The following SLC6A8 variants were observed in gnomAD, a reference collection of about 807,000 sequenced individuals.
The protein encoded by SLC6A8 is solute carrier family 6 member 8.
A neutral mutation model predicts 48.3 loss-of-function variants in SLC6A8; 6 were observed. That is an observed-to-expected ratio of 0.12 (90% CI 0.07 to 0.25). The LOEUF is 0.25. SLC6A8 is among the 10% of genes least tolerant of loss of function. The probability of loss-of-function intolerance (pLI) is 1.00; values close to 1 mark genes in which losing one functional copy is unlikely to be tolerated. For missense variants in SLC6A8, 260 were observed against 551.5 expected (o/e 0.47, Z 5.29); for synonymous variants, 245 against 244.0 (o/e 1.00, Z -0.04).
In SLC6A8 at chrX:153,690,629, G is replaced by C. The variant is rs1254310432; in HGVS notation, c.394+123G>C. 27 of 809,415 alleles carry C rather than the reference G, an allele frequency of 3.3e-5. 1 individual carries two copies. The Admixed American group carries it at 5.1e-4, about 15-fold the overall frequency. The allele number at this position is 809,415 out of a possible 1,213,427, so 66.7% of individuals were successfully genotyped here. On this transcript the variant is annotated intron_variant, in intron 2 of 12. Coordinates refer to ENST00000253122, the MANE Select transcript of SLC6A8 (RefSeq NM_005629.4). ...ACGTGATGGCGTCCCAGTCTCGAGG[G>C]GGGAGCCTGGAGGAGATGTTCAGGC... is the stretch of plus-strand genomic sequence containing the variant.
chrX:153,695,289 G>A lies in SLC6A8; in HGVS notation c.*75G>A. ...GCTTCAGCCCCACCGCACCCCTCCA[G>A]GGGGCCTGCCTTTCCCTGACACTTT... On this transcript the variant is annotated 3_prime_UTR_variant, in exon 13 of 13. Transcript: ENST00000253122. The A allele has an allele frequency of 9.4e-7, 1 of 1,062,386 alleles. No homozygotes were observed. 87.6% of individuals were successfully genotyped at this position (1,062,386 alleles called of 1,213,427 possible). A position where few individuals can be genotyped will look rare whatever the true frequency, so the allele number is the denominator to read the frequency against.
Position 153,691,077 on chromosome X carries a change from G to A in SLC6A8, c.395-227G>A, listed in dbSNP as rs782425748. On this transcript the variant is annotated intron_variant, in intron 2 of 12. Transcript: ENST00000253122. ...GATGGGGACAGGAGGAGAGGGGCTC[G>A]CTCTGCCTTGGGTCTAGGGGGCGGC... 1.1e-4 allele frequency: 44 copies of A among 415,075 alleles called. No individual in the cohort carries two copies. In the South Asian group the frequency reaches 1.3e-3, roughly 13 times the overall value. 34.2% of individuals were successfully genotyped at this position (415,075 alleles called of 1,213,427 possible). A position where few individuals can be genotyped will look rare whatever the true frequency, so the allele number is the denominator to read the frequency against.
chrX:153,695,284 C>G lies in SLC6A8; in HGVS notation c.*70C>G. 9.3e-7 allele frequency: 1 copy of G among 1,074,281 alleles called. No homozygotes were observed. The allele number at this position is 1,074,281 out of a possible 1,213,427, so 88.5% of individuals were successfully genotyped here. ...CCCCTGCTTCAGCCCCACCGCACCC[C>G]TCCAGGGGGCCTGCCTTTCCCTGAC... On this transcript the variant is annotated 3_prime_UTR_variant, in exon 13 of 13. Coordinates refer to ENST00000253122, the MANE Select transcript of SLC6A8 (RefSeq NM_005629.4).
At chrX:153,689,511 G>A (rs782557349) in intron 1 of SLC6A8, 16 of 743,534 alleles carry the variant, frequency 2.2e-5, no homozygotes, top group Admixed American at 9.2e-5. Context: ...GCTGGAAGCC[G>A]AAGTGACCCG....
chrX:153,689,206 T>G (rs1357594500), intron 1 of SLC6A8, among the ~76,000 whole-genome samples: 1 of 110,411 alleles, frequency 9.1e-6, no homozygotes, highest in Non-Finnish European at 1.9e-5. Context: ...GCACATTGTG[T>G]GGGCCCCCCA....
intron 1 of SLC6A8, among the ~76,000 whole-genome samples, chrX:153,690,063 G>A (rs1360993862): frequency 1.8e-5 from 2 of 113,129 alleles, no homozygotes; most frequent in Non-Finnish European, 3.8e-5. Flanking sequence ...GGGACAGCCC[G>A]CGTGTCTGAG....
chrX:153,690,255 C>T, intron 1 of SLC6A8, 120 bp from the exon 2 acceptor site: 1 of 780,865 alleles, frequency 1.3e-6, no homozygotes, highest in Non-Finnish European at 1.9e-6. Context: ...AGTGGCCACC[C>T]CTACACTGAC....
At chrX:153,688,865 TCCCCC>T in intron 1 of SLC6A8, 29 bp downstream of exon 1, 1 of 985,836 alleles carries the variant, frequency 1.0e-6, no homozygotes, top group Non-Finnish European at 1.3e-6. Flanking sequence ...CGCGGCCTCC[TCCCCC>T]AGCAGGCCGC....
At chrX:153,692,466 T>A (rs1557044691) in intron 4 of SLC6A8, 1 of 349,614 alleles carries the variant, frequency 2.9e-6, no homozygotes, top group South Asian at 2.6e-5. Flanking sequence ...GGGCTCCTGG[T>A]CAGGCTGGGG....
chrX:153,693,034 C>T lies in SLC6A8; in HGVS notation c.778-7C>T, dbSNP rs782613166. ...CACAGCCTCCGCTGAGCAGCCTGGC[C>T]CCCCAGATCGTGTACTTCACTGCTA... is the stretch of plus-strand genomic sequence containing the variant. On this transcript the variant is annotated splice_region_variant and splice_polypyrimidine_tract_variant and intron_variant, in intron 4 of 12. Transcript: ENST00000253122. 4 of 1,209,460 alleles carry T rather than the reference C, an allele frequency of 3.3e-6. No individual in the cohort carries two copies. The highest frequency in any genetic ancestry group is 5.9e-5 in the East Asian group (2 of 33,770).
At position 153,694,791 on chromosome X, in the gene SLC6A8, G is replaced by A. The variant is rs1557045705; in HGVS notation, c.1669G>A (p.Gly557Ser). Residue 557 changes from glycine to serine, a missense_variant, in exon 12 of 13, where the codon GGT becomes AGT. Physicochemically the swap from Gly to Ser is moderately conservative, Grantham distance 56. This residue lies in a region of SLC6A8 where 87 missense variants were observed against 120.9 expected (regional missense o/e 0.72). Transcript: ENST00000253122. ...CAACACCTACGTGTACCCGTGGTGG[G>A]GTGAGGCCATGGGCTGGGCCTTCGC... Reference protein sequence around the residue: ...YNNTYVYPWWGEAMGWAFALS... With the variant: ...YNNTYVYPWWSEAMGWAFALS... 1 of 1,209,943 alleles carries A rather than the reference G, an allele frequency of 8.3e-7. No homozygotes were observed. Among genetic ancestry groups the A allele is most frequent in the Admixed American group, 2.2e-5 (1 of 46,141 alleles).
Position 153,694,330 on chromosome X carries a change from G to A in SLC6A8, c.1393-14G>A. The A allele has an allele frequency of 8.3e-7, 1 of 1,209,570 alleles. No homozygotes were observed. The highest frequency in any genetic ancestry group is 1.1e-6 in the Non-Finnish European group (1 of 893,474). On this transcript the variant is annotated splice_polypyrimidine_tract_variant and intron_variant, in intron 9 of 12. Transcript: ENST00000253122. ...GCCGTCTGCCATCCTCCCTGACTGGGCTCTGTCCCCCAGGGCGGGATGTAC... is the reference window on the plus strand; with the variant it reads ...GCCGTCTGCCATCCTCCCTGACTGGACTCTGTCCCCCAGGGCGGGATGTAC...
At chrX:153,691,244 G>T in intron 2 of SLC6A8, 60 bp from the exon 3 acceptor site, 1 of 1,146,876 alleles carries the variant, frequency 8.7e-7, no homozygotes, top group Non-Finnish European at 1.2e-6. Flanking sequence ...GGGACATAAA[G>T]GGGTGGCAGG....
Position 153,692,964 on chromosome X carries a change from G to A in SLC6A8, c.778-77G>A, listed in dbSNP as rs781938768. On this transcript the variant is annotated intron_variant, in intron 4 of 12. Transcript: ENST00000253122. ...GACCTCTGAACATACCTGCCCGCAAGGGGGACCGGAGGCGCTGGGAGTGGG... is the reference window on the plus strand; with the variant it reads ...GACCTCTGAACATACCTGCCCGCAAAGGGGACCGGAGGCGCTGGGAGTGGG... 6 of 1,151,645 alleles carry A rather than the reference G, an allele frequency of 5.2e-6. No individual in the cohort carries two copies. The East Asian group carries it at 1.5e-4, about 29-fold the overall frequency. The allele number at this position is 1,151,645 out of a possible 1,213,427, so 94.9% of individuals were successfully genotyped here.
intron 2 of SLC6A8, chrX:153,690,820 C>G (rs1182317659): frequency 1.6e-5 from 5 of 306,025 alleles, no homozygotes; most frequent in Non-Finnish European, 2.9e-5. Context: ...GGGGCACAGA[C>G]AGGTGGAGCG....
At chrX:153,691,764 G>A (rs1557044526) in intron 3 of SLC6A8, among the ~76,000 whole-genome samples, 1 of 112,972 alleles carries the variant, frequency 8.9e-6, no homozygotes, top group African/African-American at 3.2e-5. Flanking sequence ...ACTCCCCCCT[G>A]ATGGGGGAGC....
chrX:153,693,160 G>A lies in SLC6A8; in HGVS notation c.897G>A (p.Lys299=), dbSNP rs781822469. ...IIYYLKPDWS[K]LGSPQVWIDA... ...ACTATCTCAAGCCTGACTGGTCAAA[G>A]CTGGGGTCCCCTCAGGTGAGGTGGA... Residue 299 remains lysine, a synonymous_variant, in exon 5 of 13, where the codon AAG becomes AAA. Coordinates refer to ENST00000253122, the MANE Select transcript of SLC6A8 (RefSeq NM_005629.4). 1 of 1,211,271 alleles carries A rather than the reference G, an allele frequency of 8.3e-7. No individual in the cohort carries two copies. Among genetic ancestry groups the A allele is most frequent in the Non-Finnish European group, 1.1e-6 (1 of 895,199 alleles).
At position 153,694,548 on chromosome X, in the gene SLC6A8, T is replaced by C. The variant is rs1557045552; in HGVS notation, c.1511T>C (p.Met504Thr). The change falls in exon 11 of 13, where the codon ATG becomes ACG. Residue 504 changes from methionine (M) to threonine (T), a missense_variant. By Grantham distance (81) the Met-to-Thr change is moderately conservative. Transcript: ENST00000253122. ...CTCGCCGCAGGAGCTGACCGCTTCA[T>C]GGACGACATTGCCTGTATGATCGGG... ...VAWVYGADRF[M>T]DDIACMIGYR... The C allele has an allele frequency of 7.4e-6, 9 of 1,209,596 alleles. No individual in the cohort carries two copies. Among genetic ancestry groups the C allele is most frequent in the Non-Finnish European group, 7.8e-6 (7 of 894,325 alleles).
chrX:153,691,519 G>A lies in SLC6A8; in HGVS notation c.610G>A (p.Ala204Thr). 1 of 1,211,815 alleles carries A rather than the reference G, an allele frequency of 8.3e-7. No homozygotes were observed. Among genetic ancestry groups the A allele is most frequent in the Non-Finnish European group, 1.1e-6 (1 of 895,378 alleles). The change falls in exon 3 of 13, where the codon GCT becomes ACT. Residue 204 changes from alanine (A) to threonine (T), a missense_variant. Around this residue, in one of 7 missense-constraint regions of SLC6A8, gnomAD observed 75 missense variants for 248.8 expected, o/e 0.30. Transcript: ENST00000253122. Reference protein sequence around the residue: ...SLANLTCDQLADRRSPVIEFW... With the variant: ...SLANLTCDQLTDRRSPVIEFW... ...GGCCAACCTCACCTGTGACCAGCTTGCTGACCGCCGGTCCCCTGTCATCGA... is the reference window on the plus strand; with the variant it reads ...GGCCAACCTCACCTGTGACCAGCTTACTGACCGCCGGTCCCCTGTCATCGA...
Sources: gnomAD v4.1 joint callset for allele counts (sites outside exome capture counted in the v4.1 genomes callset) on GRCh38, gnomAD v4.1.1 for gene constraint, gnomAD v4.1.1 regional missense constraint, MANE v1.5 for transcripts, NCBI Gene and HGNC (gene_info 2026-07-23, HGNC 2026-07-21) for gene names.